PDLIM5: variants seen among roughly 807,000 people sequenced by gnomAD.
PDLIM5 encodes PDZ and LIM domain 5, also known as PDZ and LIM domain protein 5.
Under a neutral mutation model 64.2 loss-of-function variants are expected in PDLIM5, and 34 were observed. That is an observed-to-expected ratio of 0.53 (90% CI 0.40 to 0.71). PDLIM5 has a LOEUF of 0.71. Ranked by LOEUF, PDLIM5 falls within the 30% of genes least tolerant of loss-of-function variation. The probability of loss-of-function intolerance (pLI) is 0.00; values close to 1 mark genes in which losing one functional copy is unlikely to be tolerated. For synonymous variants in PDLIM5, 253 were observed against 269.1 expected (o/e 0.94, Z 0.59); for missense variants, 683 against 733.6 (o/e 0.93, Z 0.80).
chr4:94,607,736 C>T (rs1936216515), intron 7 of PDLIM5, among the ~76,000 whole-genome samples: 1 of 152,116 alleles, frequency 6.6e-6, no homozygotes, highest in South Asian at 2.1e-4. Context: ...TAATTAACTT[C>T]TTGGAGCCTA....
chr4:94,536,478 A>G (rs923614076), intron 3 of PDLIM5, among the ~76,000 whole-genome samples: 2 of 152,228 alleles, frequency 1.3e-5, no homozygotes, highest in Non-Finnish European at 2.9e-5. Context: ...CATGCTCACA[A>G]ATTAAGTGGT....
intron 2 of PDLIM5, among the ~76,000 whole-genome samples, chr4:94,499,878 T>A (rs1727757047): frequency 6.6e-6 from 1 of 152,158 alleles, no homozygotes; most frequent in African/African-American, 2.4e-5. Flanking sequence ...AGGCTCGTTA[T>A]GAGAATCTAA....
chr4:94,496,627 C>T (rs1727421267), intron 2 of PDLIM5, among the ~76,000 whole-genome samples: 1 of 152,132 alleles, frequency 6.6e-6, no homozygotes, highest in Admixed American at 6.6e-5. Context: ...GTAGCTGGGA[C>T]AACAGGTGTG....
chr4:94,522,078 AC>A (rs1334016166), intron 2 of PDLIM5, among the ~76,000 whole-genome samples: 1 of 152,138 alleles, frequency 6.6e-6, no homozygotes, highest in Non-Finnish European at 1.5e-5. Context: ...ACTGGCAGGG[AC>A]CTTAGAAGGC....
intron 5 of PDLIM5, among the ~76,000 whole-genome samples, chr4:94,580,898 T>C (rs1333655593): frequency 6.6e-6 from 1 of 152,186 alleles, no homozygotes; most frequent in African/African-American, 2.4e-5. Flanking sequence ...ATTGAAGCTA[T>C]GTGAATCAAT....
At chr4:94,526,924 G>A (rs1730414008) in intron 3 of PDLIM5, among the ~76,000 whole-genome samples, 1 of 151,212 alleles carries the variant, frequency 6.6e-6, no homozygotes, top group African/African-American at 2.4e-5. Context: ...CAGTAGAGAT[G>A]GAGTTTCGTC....
chr4:94,481,096 T>G (rs1725806955), intron 2 of PDLIM5, among the ~76,000 whole-genome samples: 2 of 152,212 alleles, frequency 1.3e-5, no homozygotes, highest in African/African-American at 4.8e-5. Context: ...TTATTTTCAT[T>G]TGTTCAAATC....
At chr4:94,493,941 G>A (rs946966956) in intron 2 of PDLIM5, among the ~76,000 whole-genome samples, 6 of 151,966 alleles carry the variant, frequency 3.9e-5, no homozygotes, top group African/African-American at 7.3e-5. Flanking sequence ...TCTAATACAT[G>A]TTCCTCCTGT....
At chr4:94,526,156 C>G (rs1208849407) in intron 3 of PDLIM5, among the ~76,000 whole-genome samples, 1 of 152,166 alleles carries the variant, frequency 6.6e-6, no homozygotes, top group East Asian at 1.9e-4. Context: ...TACCAGCCTG[C>G]TTGTTTTCAC....
chr4:94,559,861 A>G (rs1435272601), intron 3 of PDLIM5, among the ~76,000 whole-genome samples: 4 of 152,208 alleles, frequency 2.6e-5, no homozygotes, highest in Non-Finnish European at 4.4e-5. Context: ...ACACAGTAAT[A>G]TACATGTTTT....
At chr4:94,519,145 G>A (rs1356079451) in intron 2 of PDLIM5, among the ~76,000 whole-genome samples, 1 of 152,192 alleles carries the variant, frequency 6.6e-6, no homozygotes, top group Non-Finnish European at 1.5e-5. Flanking sequence ...TGAGTGAGGG[G>A]AAAGTTAGGC....
At chr4:94,505,902 G>A (rs995684071) in intron 2 of PDLIM5, among the ~76,000 whole-genome samples, 3 of 152,068 alleles carry the variant, frequency 2.0e-5, no homozygotes, top group African/African-American at 4.8e-5. Flanking sequence ...GATTGCTTAC[G>A]TCATTGGCCA....
At chr4:94,655,864 G>T (rs952671366) in intron 10 of PDLIM5, among the ~76,000 whole-genome samples, 2 of 152,122 alleles carry the variant, frequency 1.3e-5, no homozygotes, top group African/African-American at 4.8e-5. Flanking sequence ...ACCTGTTAAA[G>T]ATTTCTCTCA....
chr4:94,576,140 A>G, intron 5 of PDLIM5, 106 bp downstream of exon 5: 1 of 884,964 alleles, frequency 1.1e-6, no homozygotes, highest in Non-Finnish European at 1.8e-6. Context: ...CTTTGAAGGA[A>G]GGGAGATGAA....
chr4:94,610,193 C>G, intron 7 of PDLIM5: 1 of 1,526,526 alleles, frequency 6.6e-7, no homozygotes, highest in Non-Finnish European at 8.8e-7. Flanking sequence ...GTGGAAGATT[C>G]TTTCGAAGGT....
chr4:94,623,478 T>C (rs1309047933), intron 8 of PDLIM5, among the ~76,000 whole-genome samples: 2 of 152,220 alleles, frequency 1.3e-5, no homozygotes, highest in Non-Finnish European at 2.9e-5. Flanking sequence ...TTGTTACCTG[T>C]TCTTTTTCAA....
At chr4:94,586,275 G>T in intron 6 of PDLIM5, 133 bp from the exon 7 acceptor site, 2 of 589,940 alleles carry the variant, frequency 3.4e-6, no homozygotes, top group East Asian at 5.4e-5. Flanking sequence ...GCCAATAACA[G>T]GCTACTATGG....
At position 94,530,560 on chromosome 4, in the gene PDLIM5, T is replaced by C. The variant is rs568594024; in HGVS notation, c.248+6685T>C. Among the ~76,000 whole-genome samples the C allele has an allele frequency of 1.2e-4, 18 of 149,900 alleles. No individual in the cohort carries two copies. The South Asian group carries it at 2.7e-3, about 23-fold the overall frequency. ...ATATATATATATAGTTTTTCTACTC[T>C]TCCTTGTTTTTATATTACTAGTAGT... On this transcript the variant is annotated intron_variant, in intron 3 of 12. Transcript: ENST00000317968.
At chr4:94,469,112 A>G (rs1315515352) in intron 2 of PDLIM5, among the ~76,000 whole-genome samples, 1 of 152,234 alleles carries the variant, frequency 6.6e-6, no homozygotes, top group East Asian at 1.9e-4. Flanking sequence ...AGACAGAATC[A>G]TTTATTCTGT....
Sources: gnomAD v4.1 joint callset for allele counts (sites outside exome capture counted in the v4.1 genomes callset) on GRCh38, gnomAD v4.1.1 for gene constraint, MANE v1.5 for transcripts, NCBI Gene and HGNC (gene_info 2026-07-23, HGNC 2026-07-21) for gene names.